The following DNAH12 variants were observed in gnomAD, a reference collection of about 807,000 sequenced individuals.
DNAH12 encodes the protein dynein axonemal heavy chain 12, also known as axonemal beta dynein heavy chain 12.
In DNAH12, 285 loss-of-function variants were observed where a neutral mutation model predicts 371.5. The ratio of observed to expected loss-of-function variants is 0.77; its 90% confidence interval spans 0.70 to 0.85. The LOEUF (loss-of-function observed/expected upper bound fraction) is 0.85, where lower values mean the gene tolerates loss of function less well. Among genes scored for constraint, DNAH12 ranks in the 40% least tolerant of loss-of-function variants. DNAH12 has a pLI of 0.00. For missense variants in DNAH12, 3,611 were observed against 3,689.4 expected, an observed-to-expected ratio of 0.98 and a Z score of 0.55; for synonymous variants, 1,200 against 1,213.0, an observed-to-expected ratio of 0.99 and a Z score of 0.22.
intron 60 of DNAH12, among the ~76,000 whole-genome samples, chr3:57,347,444 A>G (rs1159044565): frequency 6.6e-6 from 1 of 152,300 alleles, no homozygotes; most frequent in South Asian, 2.1e-4. Context: ...AGCTGGGCAC[A>G]GGAGCTCACA....
intron 65 of DNAH12, among the ~76,000 whole-genome samples, chr3:57,318,359 T>G (rs757053154): frequency 2.0e-5 from 3 of 150,610 alleles, no homozygotes; most frequent in Non-Finnish European, 4.4e-5. Flanking sequence ...GGAGTTAAAT[T>G]TCATTCTTTT....
chr3:57,376,298 C>A (rs1181183633), intron 53 of DNAH12, among the ~76,000 whole-genome samples: 2 of 151,486 alleles, frequency 1.3e-5, no homozygotes, highest in African/African-American at 2.4e-5. Context: ...AGTGGCTGTG[C>A]TATTTGTTTT....
intron 63 of DNAH12, 58 bp from the exon 64 acceptor site, chr3:57,323,318 C>CT: frequency 6.6e-7 from 1 of 1,516,028 alleles, no homozygotes; most frequent in African/African-American, 1.4e-5. Context: ...AAAAAAGTGC[C>CT]TTATGTATAG....
intron 52 of DNAH12, 26 bp downstream of exon 52, chr3:57,379,132 C>T (rs998084308): frequency 6.6e-6 from 1 of 152,252 alleles, no homozygotes; most frequent in Admixed American, 6.5e-5. Context: ...CTTAGTAGAA[C>T]ACAGATGTGC....
intron 44 of DNAH12, 91 bp from the exon 45 acceptor site, chr3:57,392,157 T>C (rs1337438144): frequency 2.5e-5 from 3 of 118,128 alleles, no homozygotes; most frequent in Non-Finnish European, 4.1e-5. Flanking sequence ...AGAAGTTTTA[T>C]TGCACCCTGT....
chr3:57,372,027 A>G (rs1575515230), intron 55 of DNAH12, among the ~76,000 whole-genome samples: 2 of 150,428 alleles, frequency 1.3e-5, no homozygotes, highest in African/African-American at 4.9e-5. Context: ...ATACAGAAAT[A>G]TAGTTAAGTA....
At chr3:57,428,485 T>C in intron 34 of DNAH12, 148 bp downstream of exon 34, 1 of 1,534,146 alleles carries the variant, frequency 6.5e-7, no homozygotes. Context: ...CAGCTATAAC[T>C]TAAGCAATAT....
rs1375149259 is a variant in DNAH12 at position 57,469,030 on chromosome 3, G to A, written c.2106-51C>T. 5 of 1,476,448 alleles carry A rather than the reference G, an allele frequency of 3.4e-6. No individual in the cohort carries two copies. In the Admixed American group the frequency reaches 1.4e-4, roughly 40 times the overall value. 91.5% of individuals were successfully genotyped at this position (1,476,448 alleles called of 1,614,324 possible). On this transcript the variant is annotated intron_variant, in intron 16 of 73. Coordinates refer to ENST00000495027, the MANE Select transcript of DNAH12 (RefSeq NM_001366028.2). ...AAACTCAGACTTTTGAAGTTTGAAG[G>A]GGCCTTAGAGATCCTTTAGGCTAGA... is the stretch of plus-strand genomic sequence containing the variant.
At chr3:57,317,580 G>A (rs571409280) in intron 65 of DNAH12, among the ~76,000 whole-genome samples, 53 of 152,164 alleles carry the variant, frequency 3.5e-4, no homozygotes, top group African/African-American at 9.6e-4. Flanking sequence ...AATATTCTAC[G>A]AATGGGCATT....
Position 57,326,738 on chromosome 3 carries a change from T to G in DNAH12, c.9979-3119A>C, listed in dbSNP as rs190172599. Among the ~76,000 whole-genome samples the G allele has an allele frequency of 7.3e-3, 1,117 of 152,300 alleles. 12 individuals are homozygous for G. The highest frequency in any genetic ancestry group is 0.025 in the African/African-American group (1,037 of 41,560). On this transcript the variant is annotated intron_variant, in intron 62 of 73. Transcript: ENST00000495027. ...TAACTTTAAATGTAAATGGACTAAA[T>G]GCTCCAATTAAAAGACACAGACTGG...
chr3:57,379,902 G>C (rs1208967864), intron 51 of DNAH12, among the ~76,000 whole-genome samples: 2 of 140,994 alleles, frequency 1.4e-5, no homozygotes, highest in East Asian at 4.4e-4. Flanking sequence ...GGAAACAATG[G>C]AAAAGAACAA....
At chr3:57,296,488 A>T in intron 71 of DNAH12, 53 bp from the exon 72 acceptor site, 1 of 1,295,066 alleles carries the variant, frequency 7.7e-7, no homozygotes, top group South Asian at 1.3e-5. Context: ...ACTTCATCTC[A>T]TAAAGAACAC....
At chr3:57,430,797 C>T (rs1039166608) in intron 32 of DNAH12, among the ~76,000 whole-genome samples, 7 of 152,132 alleles carry the variant, frequency 4.6e-5, no homozygotes, top group Non-Finnish European at 1.0e-4. Flanking sequence ...CCTATCTAGT[C>T]ACATGTCAAC....
At chr3:57,521,178 G>T (rs7617148) in intron 4 of DNAH12, among the ~76,000 whole-genome samples, 62,492 of 149,898 alleles carry the variant, frequency 0.42, 14,409 homozygotes, top group South Asian at 0.57. Flanking sequence ...TATAGTTTAT[G>T]TTTATCCTAT....
chr3:57,429,279 C>T (rs531090330), intron 33 of DNAH12, among the ~76,000 whole-genome samples: 2 of 151,942 alleles, frequency 1.3e-5, no homozygotes, highest in Non-Finnish European at 2.9e-5. Flanking sequence ...TGGGTTCAAG[C>T]GATTCTCCTG....
chr3:57,354,921 C>A (rs2062763023), intron 59 of DNAH12, among the ~76,000 whole-genome samples: 1 of 151,980 alleles, frequency 6.6e-6, no homozygotes. Flanking sequence ...TTTGAAGTAA[C>A]AAAAGCACAG....
At chr3:57,359,163 T>G (rs1370510691) in intron 58 of DNAH12, among the ~76,000 whole-genome samples, 1 of 152,366 alleles carries the variant, frequency 6.6e-6, no homozygotes, top group South Asian at 2.1e-4. Context: ...TTGCTAAACT[T>G]GAATCCTTAG....
At chr3:57,465,439 C>A (rs2066172227) in intron 17 of DNAH12, among the ~76,000 whole-genome samples, 1 of 151,972 alleles carries the variant, frequency 6.6e-6, no homozygotes. Context: ...AACCCTGATA[C>A]CAAAATCTGA....
intron 69 of DNAH12, among the ~76,000 whole-genome samples, chr3:57,303,753 C>T (rs1271852467): frequency 2.0e-5 from 3 of 152,080 alleles, no homozygotes; most frequent in Non-Finnish European, 4.4e-5. Flanking sequence ...ATTTAATAGT[C>T]TTTTCAGCTC....
Sources: gnomAD v4.1 joint callset for allele counts (sites outside exome capture counted in the v4.1 genomes callset) on GRCh38, gnomAD v4.1.1 for gene constraint, MANE v1.5 for transcripts, NCBI Gene and HGNC (gene_info 2026-07-23, HGNC 2026-07-21) for gene names.